Variants in FLRT2 observed in about 807,000 individuals in gnomAD.
The protein encoded by FLRT2 is fibronectin leucine rich transmembrane protein 2.
In FLRT2, 15 loss-of-function variants were observed where a neutral mutation model predicts 40.0. The ratio of observed to expected loss-of-function variants is 0.38; its 90% CI spans 0.25 to 0.58. The LOEUF is 0.58. FLRT2 is among the 20% of genes least tolerant of loss of function. FLRT2 has a pLI of 0.71. For missense variants in FLRT2, 726 were observed against 840.0 expected (o/e 0.86, Z 1.68); for synonymous variants, 380 against 336.8 (o/e 1.13, Z -1.41).
rs534366102 is a variant in FLRT2, at chr14:85,630,631, C to T, written c.*7134C>T. The T allele has an allele frequency of 6.6e-6, 1 of 152,118 alleles. No individual in the cohort carries two copies. Among genetic ancestry groups the T allele is most frequent in the East Asian group, 1.9e-4 (1 of 5,142 alleles). The allele number at this position is 152,118 out of a possible 1,614,324, so 9.4% of individuals were successfully genotyped here. The stretch of plus-strand genomic sequence containing the variant: ...AACCGTCAGCCTGGGCTCTTTCTGC[C>T]TCTTTGCTTTTTTTGAGCAGAATAT... On this transcript the variant is annotated 3_prime_UTR_variant, in exon 2 of 2. Coordinates refer to ENST00000330753, the MANE Select transcript of FLRT2 (RefSeq NM_013231.6).
chr14:85,534,373 A>G (rs1042524822), intron 1 of FLRT2, among the ~76,000 whole-genome samples: 1 of 152,178 alleles, frequency 6.6e-6, no homozygotes, highest in South Asian at 2.1e-4. Context: ...AAATGATTTG[A>G]GCCCACTCCC....
chr14:85,623,493 C>CGCT lies in FLRT2; in HGVS notation c.1980_1981insCTG. On this transcript the variant is annotated inframe_insertion, in exon 2 of 2. Transcript: ENST00000330753. ...GTGCCAGACCTGGAGCACTGCCATA[C>CGCT]GTGACAGCCAGAGGCCCAGCGTTAT... 1 of 1,428,496 alleles carries CGCT rather than the reference C, an allele frequency of 7.0e-7. No homozygotes were observed. Among genetic ancestry groups the CGCT allele is most frequent in the Non-Finnish European group, 9.2e-7 (1 of 1,089,378 alleles). 88.5% of individuals were successfully genotyped at this position (1,428,496 alleles called of 1,614,324 possible).
At chr14:85,587,242 C>A (rs1390673992) in intron 1 of FLRT2, among the ~76,000 whole-genome samples, 1 of 149,794 alleles carries the variant, frequency 6.7e-6, no homozygotes, top group African/African-American at 2.5e-5. Context: ...TAGGTTTGAG[C>A]CTTGAAACTG....
intron 1 of FLRT2, among the ~76,000 whole-genome samples, chr14:85,565,643 G>A (rs1312786781): frequency 2.0e-5 from 3 of 152,210 alleles, no homozygotes; most frequent in South Asian, 2.1e-4. Flanking sequence ...GAGGTTATTG[G>A]TTTTAAAATA....
intron 1 of FLRT2, among the ~76,000 whole-genome samples, chr14:85,582,553 T>C (rs1446637772): frequency 6.6e-6 from 1 of 152,134 alleles, no homozygotes; most frequent in African/African-American, 2.4e-5. Context: ...GATCAGTTTC[T>C]TCATCTGTGT....
chr14:85,617,070 T>C lies in FLRT2; in HGVS notation c.-376-4069T>C, dbSNP rs556805296. Among the ~76,000 whole-genome samples, 6 of 152,102 alleles carry C rather than the reference T, an allele frequency of 3.9e-5. No homozygotes were observed. The South Asian group carries it at 1.2e-3, about 32-fold the overall frequency. Reference sequence around the variant, plus strand: ...TCTCAACAGTTGGCGATTTTCCCACTCCAGGGGACATATATATGGCAACAT... The same window carrying C: ...TCTCAACAGTTGGCGATTTTCCCACCCCAGGGGACATATATATGGCAACAT... On this transcript the variant is annotated intron_variant, in intron 1 of 1. Coordinates refer to ENST00000330753, the MANE Select transcript of FLRT2 (RefSeq NM_013231.6).
At chr14:85,577,555 A>G (rs560386356) in intron 1 of FLRT2, among the ~76,000 whole-genome samples, 3 of 151,968 alleles carry the variant, frequency 2.0e-5, no homozygotes, top group South Asian at 2.1e-4. Flanking sequence ...TCTGAGGACT[A>G]TGCCCTACCT....
At chr14:85,547,322 T>C (rs536755034) in intron 1 of FLRT2, among the ~76,000 whole-genome samples, 352 of 75,766 alleles carry the variant, frequency 4.6e-3, no homozygotes, top group African/African-American at 0.012. Context: ...CTTTTCTTTC[T>C]TTCTTTTTTT....
intron 1 of FLRT2, among the ~76,000 whole-genome samples, chr14:85,590,878 T>C (rs1003505674): frequency 6.6e-6 from 1 of 152,244 alleles, no homozygotes; most frequent in South Asian, 2.1e-4. Flanking sequence ...GATTACAGGC[T>C]TGAGCCATAG....
In FLRT2 at chr14:85,539,047, T is replaced by C. The variant is rs111441722; in HGVS notation, c.-377+8513T>C. ...GAGGTAAGAGGTTTGTTTGCGTGCA[T>C]AGGGGCCATAGAGGTTCCAGGAATC... On this transcript the variant is annotated intron_variant, in intron 1 of 1. Coordinates refer to ENST00000330753, the MANE Select transcript of FLRT2 (RefSeq NM_013231.6). 3.8e-3 allele frequency among the ~76,000 whole-genome samples: 586 copies of C among 152,222 alleles called. 4 individuals carry two copies. The highest frequency in any genetic ancestry group is 0.014 in the African/African-American group (566 of 41,534).
In FLRT2 at chr14:85,639,568, A is replaced by G. The variant is rs530578097; in HGVS notation, c.*16071A>G. 3.7e-4 allele frequency: 56 copies of G among 152,280 alleles called. No individual in the cohort carries two copies. Among genetic ancestry groups the G allele is most frequent in the African/African-American group, 1.2e-3 (50 of 41,576 alleles). The allele number at this position is 152,280 out of a possible 1,614,324, so 9.4% of individuals were successfully genotyped here. On this transcript the variant is annotated 3_prime_UTR_variant, in exon 2 of 2. Coordinates refer to ENST00000330753, the MANE Select transcript of FLRT2 (RefSeq NM_013231.6). The stretch of plus-strand genomic sequence containing the variant: ...AAATGATGGTAGCAATGATTGATTT[A>G]TCTCAATCTTCTTGTATAGCTGCTG...
intron 1 of FLRT2, among the ~76,000 whole-genome samples, chr14:85,535,917 TTTTTGTTGTTGTTG>T (rs1888629643): frequency 3.2e-5 from 2 of 63,042 alleles, no homozygotes; most frequent in African/African-American, 1.8e-4. Flanking sequence ...TTTTTTTTTT[TTTTTGTTGTTGTTG>T]TTGTTGTTGT....
intron 1 of FLRT2, among the ~76,000 whole-genome samples, chr14:85,549,022 C>T (rs1456797054): frequency 6.6e-6 from 1 of 151,726 alleles, no homozygotes; most frequent in East Asian, 1.9e-4. Context: ...AAGAGTTTGA[C>T]CAGGGATGGC....
intron 1 of FLRT2, among the ~76,000 whole-genome samples, chr14:85,596,191 C>T (rs1182044155): frequency 6.6e-6 from 1 of 152,194 alleles, no homozygotes; most frequent in Non-Finnish European, 1.5e-5. Context: ...AACAGGCGCC[C>T]CTGAACCTTT....
rs185503133 is a variant in FLRT2 at position 85,636,316 on chromosome 14, A to C, written c.*12819A>C. Reference sequence around the variant, plus strand: ...TGGTATTTGTATTGCAAACATTGAAATTCTACCTGGCAGTTTAAAGAACAT... The same window carrying C: ...TGGTATTTGTATTGCAAACATTGAACTTCTACCTGGCAGTTTAAAGAACAT... On this transcript the variant is annotated 3_prime_UTR_variant, in exon 2 of 2. Coordinates refer to ENST00000330753, the MANE Select transcript of FLRT2 (RefSeq NM_013231.6). 562 of 141,376 alleles carry C rather than the reference A, an allele frequency of 4.0e-3. 5 individuals carry two copies. The highest frequency in any genetic ancestry group is 0.013 in the African/African-American group (513 of 38,716). The allele number at this position is 141,376 out of a possible 1,614,324, so 8.8% of individuals were successfully genotyped here.
intron 1 of FLRT2, among the ~76,000 whole-genome samples, chr14:85,616,685 G>A (rs867571932): frequency 8.5e-5 from 13 of 152,078 alleles, no homozygotes; most frequent in Non-Finnish European, 1.6e-4. Context: ...TACCTCATGG[G>A]CTAGGGTAGA....
At chr14:85,618,763 C>G (rs1380504890) in intron 1 of FLRT2, among the ~76,000 whole-genome samples, 2 of 152,178 alleles carry the variant, frequency 1.3e-5, no homozygotes, top group Non-Finnish European at 2.9e-5. Context: ...TAGTGCTTCA[C>G]AAATTTGAAT....
Position 85,639,399 on chromosome 14 carries a change from CG to C in FLRT2, c.*15905del, listed in dbSNP as rs771673936. 2.6e-5 allele frequency: 4 copies of C among 151,864 alleles called. No individual in the cohort carries two copies. Among genetic ancestry groups the C allele is most frequent in the Non-Finnish European group, 5.9e-5 (4 of 67,994 alleles). 9.4% of individuals were successfully genotyped at this position (151,864 alleles called of 1,614,324 possible). ...GCAGCTTTTCTTGAAAGTAGTTTAC[CG>C]GGTTGGGCAAAAAGAGGATGAGTAT... is the stretch of plus-strand genomic sequence containing the variant. On this transcript the variant is annotated 3_prime_UTR_variant, in exon 2 of 2. Coordinates refer to ENST00000330753, the MANE Select transcript of FLRT2 (RefSeq NM_013231.6).
intron 1 of FLRT2, among the ~76,000 whole-genome samples, chr14:85,584,777 A>G (rs1307362472): frequency 6.6e-6 from 1 of 152,190 alleles, no homozygotes; most frequent in African/African-American, 2.4e-5. Flanking sequence ...GCAGCTGCAC[A>G]TCTGCGAGAA....
Sources: allele counts gnomAD v4.1 joint callset (sites outside exome capture counted in the v4.1 genomes callset), GRCh38; gene constraint gnomAD v4.1.1; transcripts MANE v1.5; gene names NCBI Gene and HGNC (gene_info 2026-07-23, HGNC 2026-07-21).